Variants in HMCN1 observed in about 807,000 individuals in gnomAD.
The protein encoded by HMCN1 is hemicentin 1, also known as hemicentin-1.
HMCN1 carries 321 observed loss-of-function variants against 625.9 expected under a neutral mutation model. That is an observed-to-expected ratio of 0.51 (90% CI 0.47 to 0.56). The LOEUF (loss-of-function observed/expected upper bound fraction) is 0.56, where lower values mean the gene tolerates loss of function less well. Ranked by LOEUF, HMCN1 falls within the 20% of genes least tolerant of loss-of-function variation. The pLI is 0.00. For missense variants in HMCN1, 6,588 were observed against 6,887.3 expected (o/e 0.96, Z 1.54); for synonymous variants, 2,425 against 2,417.6 (o/e 1.00, Z -0.09).
At chr1:186,011,146 A>G (rs1653977257) in intron 30 of HMCN1, among the ~76,000 whole-genome samples, 1 of 152,108 alleles carries the variant, frequency 6.6e-6, no homozygotes, top group Admixed American at 6.6e-5. Context: ...CTTCGGTTCA[A>G]GTGATTCTCC....
chr1:186,034,247 T>C (rs529604267), intron 36 of HMCN1, among the ~76,000 whole-genome samples: 48 of 152,292 alleles, frequency 3.2e-4, no homozygotes, highest in Middle Eastern at 6.8e-3. Context: ...GAACAGATTC[T>C]TCTCTAGAGC....
chr1:185,753,940 G>A (rs57398679), intron 1 of HMCN1, among the ~76,000 whole-genome samples: 56,705 of 151,970 alleles, frequency 0.37, 13,338 homozygotes, highest in African/African-American at 0.67. Flanking sequence ...AAGGATTTGA[G>A]ATCAGTATGT....
intron 46 of HMCN1, 68 bp from the exon 47 acceptor site, chr1:186,061,783 A>G: frequency 9.7e-7 from 1 of 1,030,398 alleles, no homozygotes; most frequent in Non-Finnish European, 1.5e-6. Context: ...ATTGAGCATC[A>G]CTTGGATGGC....
chr1:185,866,816 C>G (rs1465017328), intron 4 of HMCN1, among the ~76,000 whole-genome samples: 1 of 151,846 alleles, frequency 6.6e-6, no homozygotes, highest in African/African-American at 2.4e-5. Context: ...AGGAACATAC[C>G]AATACAAAGA....
intron 37 of HMCN1, among the ~76,000 whole-genome samples, 183 bp downstream of exon 37, chr1:186,038,218 C>G (rs1655965650): frequency 6.6e-6 from 1 of 152,118 alleles, no homozygotes; most frequent in Non-Finnish European, 1.5e-5. Context: ...CTTTAACTAA[C>G]TGCATGAAAC....
intron 54 of HMCN1, among the ~76,000 whole-genome samples, chr1:186,077,295 G>A (rs1192678459): frequency 2.6e-5 from 4 of 152,112 alleles, no homozygotes; most frequent in Non-Finnish European, 4.4e-5. Context: ...TCCTAAATTA[G>A]ATCTGGGTTT....
chr1:186,087,661 T>A lies in HMCN1; in HGVS notation c.9363+16T>A. The A allele has an allele frequency of 6.2e-7, 1 of 1,610,030 alleles. No homozygotes were observed. The stretch of plus-strand genomic sequence containing the variant: ...GAAAGCTGAGGTGCATCTTTTATTC[T>A]TGTTTGAGTGTCATGACACCTTGGT... On this transcript the variant is annotated intron_variant, in intron 60 of 106. Coordinates refer to ENST00000271588, the MANE Select transcript of HMCN1 (RefSeq NM_031935.3).
At position 186,165,137 on chromosome 1, in the gene HMCN1, G is replaced by C. The variant is rs373876634; in HGVS notation, c.15283G>C (p.Gly5095Arg). ...KGDRSNQCPSGFTLDSVGPFC... is the reference protein window; with the variant it reads ...KGDRSNQCPSRFTLDSVGPFC... ...AGATCGCAGTAATCAGTGCCCCTCC[G>C]GGTTTACCTTAGACTCAGTTGGACC... The change falls in exon 98 of 107, where the codon GGG becomes CGG. Residue 5095 changes from glycine to arginine, a missense_variant. Gly to Arg is a moderately radical substitution (Grantham distance 125). Transcript: ENST00000271588. 5 of 1,613,864 alleles carry C rather than the reference G, an allele frequency of 3.1e-6. No individual in the cohort carries two copies. Among genetic ancestry groups the C allele is most frequent in the African/African-American group, 1.3e-5 (1 of 74,868 alleles).
At chr1:186,101,321 C>G (rs925274862) in intron 68 of HMCN1, among the ~76,000 whole-genome samples, 6 of 152,060 alleles carry the variant, frequency 3.9e-5, no homozygotes, top group Admixed American at 6.6e-5. Context: ...AAGCATGACT[C>G]TTAGTTTCTG....
chr1:185,927,030 T>C (rs1439881753), intron 9 of HMCN1, among the ~76,000 whole-genome samples: 1 of 152,224 alleles, frequency 6.6e-6, no homozygotes, highest in Non-Finnish European at 1.5e-5. Context: ...TCTTCAAGCA[T>C]TTAGTAAACT....
intron 2 of HMCN1, among the ~76,000 whole-genome samples, chr1:185,861,712 G>A (rs1662886172): frequency 1.3e-5 from 2 of 152,122 alleles, no homozygotes; most frequent in South Asian, 4.1e-4. Context: ...TAACTGTTAT[G>A]CAAAGGAAAT....
chr1:186,171,203 G>A (rs912495717), intron 100 of HMCN1, 134 bp from the exon 101 acceptor site: 5 of 681,526 alleles, frequency 7.3e-6, no homozygotes, highest in Admixed American at 2.1e-5. Context: ...CAGATCACAT[G>A]AGTGCAATAT....
In HMCN1 at chr1:185,815,337, G is replaced by T. The variant is rs114816803; in HGVS notation, c.269-30689G>T. ...TAAAGTTTAGTTTTTTATATAAAAA[G>T]TTCTATGTCAGTTGTTTACAAGTCA... On this transcript the variant is annotated intron_variant, in intron 1 of 106. Transcript: ENST00000271588. Among the ~76,000 whole-genome samples the T allele has an allele frequency of 6.8e-3, 1,026 of 150,130 alleles. 15 individuals carry two copies. The highest frequency in any genetic ancestry group is 0.011 in the Non-Finnish European group (731 of 67,972).
intron 11 of HMCN1, 106 bp from the exon 12 acceptor site, chr1:185,962,412 G>T: frequency 4.6e-6 from 4 of 867,724 alleles, no homozygotes; most frequent in Non-Finnish European, 7.9e-6. Context: ...ATAGAGGAAG[G>T]CAATAAAGAT....
intron 95 of HMCN1, 53 bp from the exon 96 acceptor site, chr1:186,152,697 C>T: frequency 6.2e-7 from 1 of 1,610,694 alleles, no homozygotes; most frequent in Non-Finnish European, 8.5e-7. Context: ...CTGCTCTGTG[C>T]TTACAGAAAC....
chr1:185,769,976 T>C (rs1469940673), intron 1 of HMCN1, among the ~76,000 whole-genome samples: 2 of 152,324 alleles, frequency 1.3e-5, no homozygotes, highest in East Asian at 3.9e-4. Context: ...TCAAAACAAG[T>C]AACATGACCA....
At chr1:186,124,277 CA>C (rs1319797100) in intron 81 of HMCN1, among the ~76,000 whole-genome samples, 1 of 151,832 alleles carries the variant, frequency 6.6e-6, no homozygotes, top group African/African-American at 2.4e-5. Flanking sequence ...CTCTTCTAGC[CA>C]AAAAGTAGGT....
intron 5 of HMCN1, among the ~76,000 whole-genome samples, chr1:185,910,940 T>C (rs1447231133): frequency 1.3e-5 from 2 of 152,206 alleles, no homozygotes; most frequent in South Asian, 2.1e-4. Context: ...AACTGAACTG[T>C]GGCTTAATGC....
At chr1:185,892,090 C>A (rs931961688) in intron 4 of HMCN1, among the ~76,000 whole-genome samples, 1 of 150,446 alleles carries the variant, frequency 6.6e-6, no homozygotes, top group Middle Eastern at 3.4e-3. Flanking sequence ...CCCTTTCTTC[C>A]AGTTGATTGC....
Sources: allele counts gnomAD v4.1 joint callset (sites outside exome capture counted in the v4.1 genomes callset), GRCh38; gene constraint gnomAD v4.1.1; transcripts MANE v1.5; gene names NCBI Gene and HGNC (gene_info 2026-07-23, HGNC 2026-07-21).